PSMD1: variants seen among roughly 807,000 people sequenced by gnomAD.
PSMD1 encodes the protein proteasome 26S subunit, non-ATPase 1.
In PSMD1, 18 loss-of-function variants were observed where a neutral mutation model predicts 119.0. That is an observed-to-expected ratio of 0.15 (90% CI 0.10 to 0.22). PSMD1 has a LOEUF of 0.22. PSMD1 is among the 10% of genes least tolerant of loss of function. PSMD1 has a pLI of 1.00. For synonymous variants in PSMD1, 374 were observed against 396.6 expected (o/e 0.94, Z 0.68); for missense variants, 702 against 1,158.5 (o/e 0.61, Z 5.72).
chr2:231,098,433 GTC>G (rs1021909336), intron 16 of PSMD1, among the ~76,000 whole-genome samples: 3 of 150,336 alleles, frequency 2.0e-5, no homozygotes, highest in African/African-American at 7.4e-5. Flanking sequence ...CTCCCTCTTT[GTC>G]TCTCTGTCTC....
At chr2:231,105,584 A>G (rs1694955251) in intron 16 of PSMD1, among the ~76,000 whole-genome samples, 1 of 152,080 alleles carries the variant, frequency 6.6e-6, no homozygotes. Context: ...GGTCCCTTGC[A>G]GGGTGCTATG....
At chr2:231,116,972 GAAAA>G in intron 16 of PSMD1, among the ~76,000 whole-genome samples, 1 of 151,872 alleles carries the variant, frequency 6.6e-6, no homozygotes, top group South Asian at 2.1e-4. Flanking sequence ...ACACAAAAAA[GAAAA>G]AGAGGCTTTT....
chr2:231,119,122 G>T (rs775547931), intron 16 of PSMD1, among the ~76,000 whole-genome samples: 7 of 152,176 alleles, frequency 4.6e-5, no homozygotes, highest in Non-Finnish European at 8.8e-5. Context: ...GCATTTTAAT[G>T]CTTACAGAAT....
At chr2:231,139,452 G>T (rs1177458782) in intron 17 of PSMD1, among the ~76,000 whole-genome samples, 1 of 140,980 alleles carries the variant, frequency 7.1e-6, no homozygotes, top group Non-Finnish European at 1.5e-5. Context: ...TCACTATGTT[G>T]CCCAGGCTGG....
chr2:231,068,084 G>T (rs1324880623), intron 5 of PSMD1, among the ~76,000 whole-genome samples: 1 of 152,106 alleles, frequency 6.6e-6, no homozygotes. Context: ...ACTAGGTCCA[G>T]TTCTGTTGTT....
rs1246427810 is a variant in PSMD1 at position 231,113,677 on chromosome 2, A to G, written c.1884-25059A>G. 1.2e-5 allele frequency: 19 copies of G among 1,524,734 alleles called. No homozygotes were observed. The South Asian group carries it at 1.7e-4, about 14-fold the overall frequency. The allele number at this position is 1,524,734 out of a possible 1,614,324, so 94.5% of individuals were successfully genotyped here. On this transcript the variant is annotated intron_variant, in intron 16 of 24. Coordinates refer to ENST00000308696, the MANE Select transcript of PSMD1 (RefSeq NM_002807.4). ...ACCAGACCTGGTATTCTCCTAGCCA[A>G]GTGGAACCAAAGATTTTGTATACCA...
In PSMD1 at chr2:231,123,516, C is replaced by T. The variant is rs746308865; in HGVS notation, c.1884-15220C>T. On this transcript the variant is annotated intron_variant, in intron 16 of 24. Coordinates refer to ENST00000308696, the MANE Select transcript of PSMD1 (RefSeq NM_002807.4). ...AGTAATTAGTAGCATACTGCAGCTT[C>T]TTCTCCAGTGAAACAGCCAGAATAA... 9.9e-5 allele frequency: 159 copies of T among 1,614,038 alleles called. 3 individuals are homozygous for T. In the South Asian group the frequency reaches 1.5e-3, roughly 16 times the overall value.
Position 231,134,317 on chromosome 2 carries a change from A to G in PSMD1, c.1884-4419A>G, listed in dbSNP as rs187999451. Among the ~76,000 whole-genome samples, 448 of 152,292 alleles carry G rather than the reference A, an allele frequency of 2.9e-3. 1 individual carries two copies. The highest frequency in any genetic ancestry group is 0.01 in the African/African-American group (430 of 41,566). On this transcript the variant is annotated intron_variant, in intron 16 of 24. Transcript: ENST00000308696. The stretch of plus-strand genomic sequence containing the variant: ...GTGTTATCTGTGTGTTTAGAGGGGC[A>G]GGAGGAAGGAGACTCTGATCCAAAA...
Position 231,079,540 on chromosome 2 carries a change from A to G in PSMD1, c.1165A>G (p.Asn389Asp). ...ATACATCATCTTTTTTTACAGAGATAATTTGGAATGGTTAGCCAGAGCCAC... is the reference window on the plus strand; with the variant it reads ...ATACATCATCTTTTTTTACAGAGATGATTTGGAATGGTTAGCCAGAGCCAC... ...GTTSDQFLRD[N>D]LEWLARATNW... The change falls in exon 11 of 25, where the codon AAT becomes GAT. Residue 389 changes from asparagine (N) to aspartate (D), a missense_variant. Coordinates refer to ENST00000308696, the MANE Select transcript of PSMD1 (RefSeq NM_002807.4). 6.3e-7 allele frequency: 1 copy of G among 1,592,008 alleles called. No individual in the cohort carries two copies. The highest frequency in any genetic ancestry group is 8.6e-7 in the Non-Finnish European group (1 of 1,167,706).
intron 18 of PSMD1, among the ~76,000 whole-genome samples, chr2:231,147,313 G>A (rs536416049): frequency 6.9e-4 from 105 of 152,226 alleles, no homozygotes; most frequent in Admixed American, 6.2e-3. Context: ...GGCAACATAG[G>A]GGGAGGCCCC....
At chr2:231,095,725 T>G (rs1212428330) in intron 16 of PSMD1, among the ~76,000 whole-genome samples, 1 of 152,182 alleles carries the variant, frequency 6.6e-6, no homozygotes. Flanking sequence ...GTCTTTTAAG[T>G]CAATAACGGC....
intron 7 of PSMD1, among the ~76,000 whole-genome samples, chr2:231,073,095 A>G (rs999889832): frequency 6.6e-6 from 1 of 152,122 alleles, no homozygotes. Context: ...GGGAGTCCCA[A>G]GGAGAAGGAG....
At chr2:231,101,965 A>AC (rs1275923644) in intron 16 of PSMD1, among the ~76,000 whole-genome samples, 1 of 152,138 alleles carries the variant, frequency 6.6e-6, no homozygotes, top group Non-Finnish European at 1.5e-5. Flanking sequence ...ACAGGCACTC[A>AC]CCACCATGCC....
At chr2:231,061,374 G>A (rs1309647626) in intron 2 of PSMD1, 64 bp downstream of exon 2, 2 of 1,318,276 alleles carry the variant, frequency 1.5e-6, no homozygotes. Context: ...TGAATTTAGT[G>A]ATATCTGTAA....
intron 20 of PSMD1, among the ~76,000 whole-genome samples, chr2:231,161,966 G>T (rs1362468457): frequency 6.6e-6 from 1 of 152,200 alleles, no homozygotes; most frequent in Non-Finnish European, 1.5e-5. Context: ...AAATCTTCCA[G>T]AGTTATCTGA....
Position 231,170,482 on chromosome 2 carries a change from G to T in PSMD1, c.2716-84G>T. On this transcript the variant is annotated intron_variant, in intron 23 of 24. Coordinates refer to ENST00000308696, the MANE Select transcript of PSMD1 (RefSeq NM_002807.4). The surrounding 1 kb of genome is among the most constrained non-coding windows in gnomAD (Gnocchi z 4.1). ...TCCAAATCATTTAAGTAGTTTTAAAGTACCATTTAACAAGTATTTACTCTA... is the reference window on the plus strand; with the variant it reads ...TCCAAATCATTTAAGTAGTTTTAAATTACCATTTAACAAGTATTTACTCTA... 1 of 1,353,548 alleles carries T rather than the reference G, an allele frequency of 7.4e-7. No individual in the cohort carries two copies. Among genetic ancestry groups the T allele is most frequent in the Non-Finnish European group, 9.9e-7 (1 of 1,008,972 alleles). 83.8% of individuals were successfully genotyped at this position (1,353,548 alleles called of 1,614,324 possible).
At chr2:231,063,417 A>G (rs1171443644) in intron 4 of PSMD1, among the ~76,000 whole-genome samples, 1 of 152,246 alleles carries the variant, frequency 6.6e-6, no homozygotes, top group African/African-American at 2.4e-5. Flanking sequence ...CTTTGGATTC[A>G]TAGTACAGAG....
chr2:231,156,838 T>A (rs1371139793), intron 19 of PSMD1, among the ~76,000 whole-genome samples: 1 of 152,148 alleles, frequency 6.6e-6, no homozygotes, highest in African/African-American at 2.4e-5. Flanking sequence ...AAATTTAAGA[T>A]CTCCTTAAGT....
At chr2:231,154,795 G>C (rs992438820) in intron 19 of PSMD1, among the ~76,000 whole-genome samples, 3 of 152,052 alleles carry the variant, frequency 2.0e-5, no homozygotes, top group Non-Finnish European at 4.4e-5. Context: ...AATTTTCTTA[G>C]TATTATATGA....
Sources: allele counts gnomAD v4.1 joint callset (sites outside exome capture counted in the v4.1 genomes callset), GRCh38; gene constraint gnomAD v4.1.1; non-coding constraint Gnocchi (gnomAD v3.1); transcripts MANE v1.5; gene names NCBI Gene and HGNC (gene_info 2026-07-23, HGNC 2026-07-21).